Variants in GAN observed in about 807,000 individuals in gnomAD.
GAN encodes the protein epididymis secretory sperm binding protein.
Under a neutral mutation model 71.3 loss-of-function variants are expected in GAN, and 48 were observed. That is an observed-to-expected ratio of 0.67 (90% CI 0.53 to 0.86). The LOEUF (loss-of-function observed/expected upper bound fraction) is 0.86, where lower values mean the gene tolerates loss of function less well. Ranked by LOEUF, GAN falls within the 40% of genes least tolerant of loss-of-function variation. GAN has a pLI of 0.00. For missense variants in GAN, 928 were observed against 770.1 expected, an observed-to-expected ratio of 1.21 and a Z score of -2.43; for synonymous variants, 386 against 276.8, an observed-to-expected ratio of 1.39 and a Z score of -3.92.
rs1910174738 is a variant in GAN, at chr16:81,347,945, G to A, written c.168-3638G>A. Among the ~76,000 whole-genome samples the A allele has an allele frequency of 2.0e-5, 3 of 151,936 alleles. No individual in the cohort carries two copies. In the South Asian group the frequency reaches 6.3e-4, roughly 32 times the overall value. On this transcript the variant is annotated intron_variant, in intron 1 of 10. Coordinates refer to ENST00000648994, the MANE Select transcript of GAN (RefSeq NM_022041.4). ...TTGGGGGGACATTACTTTTTTTCAG[G>A]TGTTGAACCTTCTGGACTGATCTTC...
intron 7 of GAN, among the ~76,000 whole-genome samples, chr16:81,364,645 C>T (rs1294376018): frequency 6.6e-6 from 1 of 152,130 alleles, no homozygotes; most frequent in African/African-American, 2.4e-5. Flanking sequence ...ACTATGATGG[C>T]ACCACTGCAC....
intron 1 of GAN, among the ~76,000 whole-genome samples, chr16:81,345,875 C>T (rs1352253473): frequency 1.2e-4 from 19 of 152,294 alleles, no homozygotes; most frequent in African/African-American, 3.1e-4. Context: ...AGGGTGTAAC[C>T]GTTCCACCTC....
chr16:81,371,405 T>C (rs533354734), intron 9 of GAN, among the ~76,000 whole-genome samples: 1 of 152,328 alleles, frequency 6.6e-6, no homozygotes, highest in East Asian at 1.9e-4. Flanking sequence ...ATATGGTTAC[T>C]ATTATGTTTT....
chr16:81,382,369 C>T lies in GAN; in HGVS notation c.*4773C>T, dbSNP rs1295251519. Reference sequence around the variant, plus strand: ...CCAAACATGTCCTTTGCTAGTTGCACAGGCATAAGCTGAAAGATCTTTGAT... The same window carrying T: ...CCAAACATGTCCTTTGCTAGTTGCATAGGCATAAGCTGAAAGATCTTTGAT... On this transcript the variant is annotated 3_prime_UTR_variant, in exon 11 of 11. Transcript: ENST00000648994. The T allele has an allele frequency of 6.6e-6, 1 of 152,196 alleles. No individual in the cohort carries two copies. The highest frequency in any genetic ancestry group is 1.5e-5 in the Non-Finnish European group (1 of 68,034). 9.4% of individuals were successfully genotyped at this position (152,196 alleles called of 1,614,324 possible).
rs995947952 is a variant in GAN, at chr16:81,388,167, A to T, written c.*10571A>T. The T allele has an allele frequency of 2.7e-5, 4 of 150,760 alleles. No individual in the cohort carries two copies. Among genetic ancestry groups the T allele is most frequent in the African/African-American group, 7.3e-5 (3 of 41,120 alleles). The allele number at this position is 150,760 out of a possible 1,614,324, so 9.3% of individuals were successfully genotyped here. ...GTTGTTTTTACTCACTCTTCTTGGG[A>T]TAGCTTTCCCACCCTGCCCTCTGCT... On this transcript the variant is annotated 3_prime_UTR_variant, in exon 11 of 11. Coordinates refer to ENST00000648994, the MANE Select transcript of GAN (RefSeq NM_022041.4).
chr16:81,347,807 A>G (rs763031765), intron 1 of GAN, among the ~76,000 whole-genome samples: 2 of 152,080 alleles, frequency 1.3e-5, no homozygotes, highest in African/African-American at 2.4e-5. Flanking sequence ...GAAAGCTTGT[A>G]AGACTTTTTT....
chr16:81,316,494 G>A (rs985917446), intron 1 of GAN, among the ~76,000 whole-genome samples: 3 of 136,050 alleles, frequency 2.2e-5, no homozygotes, highest in Non-Finnish European at 4.8e-5. Flanking sequence ...GAGGGGTGGG[G>A]GGGCGGGGCG....
At chr16:81,324,321 T>C (rs925671542) in intron 1 of GAN, among the ~76,000 whole-genome samples, 12 of 152,000 alleles carry the variant, frequency 7.9e-5, no homozygotes, top group African/African-American at 2.9e-4. Context: ...CAGAGCCATA[T>C]GAGTTTGCCG....
chr16:81,356,897 G>T lies in GAN; in HGVS notation c.746G>T (p.Ser249Ile). Residue 249 changes from serine to isoleucine, a missense_variant, in exon 4 of 11, where the codon AGC becomes ATC. By Grantham distance (142) the Ser-to-Ile change is moderately radical. Coordinates refer to ENST00000648994, the MANE Select transcript of GAN (RefSeq NM_022041.4). ...PLVREIVKEC[S>I]NIPLSQPQQG... Reference sequence around the variant, plus strand: ...GTACGAGAAATTGTCAAAGAGTGTAGCAATATACCGCTCAGCCAGCCGCAG... The same window carrying T: ...GTACGAGAAATTGTCAAAGAGTGTATCAATATACCGCTCAGCCAGCCGCAG... 6.2e-7 allele frequency: 1 copy of T among 1,613,870 alleles called. No individual in the cohort carries two copies. Among genetic ancestry groups the T allele is most frequent in the African/African-American group, 1.3e-5 (1 of 75,018 alleles).
At chr16:81,337,810 T>A (rs980946118) in intron 1 of GAN, among the ~76,000 whole-genome samples, 3 of 152,138 alleles carry the variant, frequency 2.0e-5, no homozygotes, top group Non-Finnish European at 2.9e-5. Flanking sequence ...AACAGAAAAA[T>A]TTTTTAAAAA....
At chr16:81,338,411 A>C in intron 1 of GAN, among the ~76,000 whole-genome samples, 1 of 152,192 alleles carries the variant, frequency 6.6e-6, no homozygotes, top group East Asian at 1.9e-4. Context: ...ATCAGTTATT[A>C]ACCCTTTAGC....
intron 1 of GAN, among the ~76,000 whole-genome samples, chr16:81,351,135 GT>G (rs1355711848): frequency 6.6e-6 from 1 of 152,232 alleles, no homozygotes. Flanking sequence ...ACTTCAGATG[GT>G]GGAAGCAGAG....
In GAN at chr16:81,380,954, T is replaced by G. The variant is rs1165657947; in HGVS notation, c.*3358T>G. ...ACTGTATAACAACCAAAAAGGAGCA[T>G]TTGGGGGTATGTTGGATGGTGTTTT... On this transcript the variant is annotated 3_prime_UTR_variant, in exon 11 of 11. Transcript: ENST00000648994. 2 of 152,154 alleles carry G rather than the reference T, an allele frequency of 1.3e-5. No homozygotes were observed. Among genetic ancestry groups the G allele is most frequent in the Admixed American group, 1.3e-4 (2 of 15,280 alleles). The allele number at this position is 152,154 out of a possible 1,614,324, so 9.4% of individuals were successfully genotyped here. A position where few individuals can be genotyped will look rare whatever the true frequency, so the allele number is the denominator to read the frequency against.
intron 9 of GAN, among the ~76,000 whole-genome samples, chr16:81,366,277 T>G (rs1910854129): frequency 6.6e-6 from 1 of 152,206 alleles, no homozygotes; most frequent in Non-Finnish European, 1.5e-5. Flanking sequence ...CCTACCTGTC[T>G]GTATCAGATG....
At chr16:81,347,458 C>T (rs964625664) in intron 1 of GAN, among the ~76,000 whole-genome samples, 1 of 152,216 alleles carries the variant, frequency 6.6e-6, no homozygotes. Flanking sequence ...CATTATTGTG[C>T]ATCCCTTTCA....
intron 1 of GAN, among the ~76,000 whole-genome samples, chr16:81,330,212 C>G (rs1246552431): frequency 1.3e-5 from 2 of 152,234 alleles, no homozygotes; most frequent in African/African-American, 4.8e-5. Context: ...CCGTCAGTCT[C>G]CACACTGCTG....
chr16:81,388,299 G>C lies in GAN; in HGVS notation c.*10703G>C, dbSNP rs1339893859. On this transcript the variant is annotated 3_prime_UTR_variant, in exon 11 of 11. Coordinates refer to ENST00000648994, the MANE Select transcript of GAN (RefSeq NM_022041.4). ...GTTGGGGCGGGTTGTTGGGGGCGAGGAGAATAGCCCTTCTGGTTCTTCAGA... is the reference window on the plus strand; with the variant it reads ...GTTGGGGCGGGTTGTTGGGGGCGAGCAGAATAGCCCTTCTGGTTCTTCAGA... 1 of 152,392 alleles carries C rather than the reference G, an allele frequency of 6.6e-6. No homozygotes were observed. The highest frequency in any genetic ancestry group is 1.5e-5 in the Non-Finnish European group (1 of 68,208). The allele number at this position is 152,392 out of a possible 1,614,324, so 9.4% of individuals were successfully genotyped here.
At chr16:81,327,484 C>G (rs1176378987) in intron 1 of GAN, among the ~76,000 whole-genome samples, 1 of 152,158 alleles carries the variant, frequency 6.6e-6, no homozygotes, top group Admixed American at 6.5e-5. Flanking sequence ...AGGGGGCAGT[C>G]TCTTAAAGTT....
At chr16:81,322,672 T>G (rs1206962689) in intron 1 of GAN, among the ~76,000 whole-genome samples, 1 of 152,258 alleles carries the variant, frequency 6.6e-6, no homozygotes, top group Non-Finnish European at 1.5e-5. Flanking sequence ...ATTTTTATGG[T>G]AACATATTAA....
Sources: gnomAD v4.1 joint callset for allele counts (sites outside exome capture counted in the v4.1 genomes callset) on GRCh38, gnomAD v4.1.1 for gene constraint, MANE v1.5 for transcripts, NCBI Gene and HGNC (gene_info 2026-07-23, HGNC 2026-07-21) for gene names.